Variants in HM13 observed in about 807,000 individuals in gnomAD.
HM13 encodes the protein signal peptide peptidase.
Under a neutral mutation model 50.0 loss-of-function variants are expected in HM13, and 18 were observed. The observed-to-expected ratio is 0.36, with a 90% CI of 0.25 to 0.53. The LOEUF is 0.53. Ranked by LOEUF, HM13 falls within the 20% of genes least tolerant of loss-of-function variation. The probability of loss-of-function intolerance (pLI) is 0.90; values close to 1 mark genes in which losing one functional copy is unlikely to be tolerated. For missense variants in HM13, 393 were observed against 552.4 expected (o/e 0.71, Z 2.89); for synonymous variants, 197 against 232.6 (o/e 0.85, Z 1.39).
chr20:31,558,004 G>A (rs891999843), intron 8 of HM13, among the ~76,000 whole-genome samples: 11 of 152,082 alleles, frequency 7.2e-5, no homozygotes, highest in African/African-American at 9.6e-5. Flanking sequence ...CACCGCACCC[G>A]GCCAGGCAGT....
intron 1 of HM13, among the ~76,000 whole-genome samples, chr20:31,527,144 C>G (rs955851831): frequency 6.6e-6 from 1 of 152,180 alleles, no homozygotes; most frequent in African/African-American, 2.4e-5. Flanking sequence ...TCGAGACCAG[C>G]CTAGCCAACA....
At position 31,543,530 on chromosome 20, in the gene HM13, C is replaced by A. The variant is rs182479729; in HGVS notation, c.366-1417C>A. Among the ~76,000 whole-genome samples, 198 of 152,034 alleles carry A rather than the reference C, an allele frequency of 1.3e-3. 6 individuals are homozygous for A. In the East Asian group the frequency reaches 0.036, roughly 28 times the overall value. The stretch of plus-strand genomic sequence containing the variant: ...TCTCGAACTCCTGACCTCAAGTGAT[C>A]CGCCACCTCAGCCTCCCAAATGTTG... On this transcript the variant is annotated intron_variant, in intron 3 of 12. Transcript: ENST00000398174.
At chr20:31,519,688 A>C (rs867104173) in intron 1 of HM13, among the ~76,000 whole-genome samples, 3 of 152,120 alleles carry the variant, frequency 2.0e-5, no homozygotes, top group Admixed American at 6.6e-5. Context: ...CTCAAATTTG[A>C]GAATTTGAGT....
At chr20:31,554,169 G>A (rs528751455) in intron 7 of HM13, among the ~76,000 whole-genome samples, 1 of 152,054 alleles carries the variant, frequency 6.6e-6, no homozygotes, top group Non-Finnish European at 1.5e-5. Flanking sequence ...AGAAACAAAT[G>A]TGTGAGTTTC....
At chr20:31,524,639 C>T (rs1016845251) in intron 1 of HM13, among the ~76,000 whole-genome samples, 1 of 151,286 alleles carries the variant, frequency 6.6e-6, no homozygotes, top group African/African-American at 2.4e-5. Context: ...TTAGTTTGAG[C>T]TCTTATTAAG....
intron 12 of HM13, 49 bp from the exon 13 acceptor site, chr20:31,569,071 C>A: frequency 7.5e-7 from 1 of 1,340,082 alleles, no homozygotes; most frequent in Non-Finnish European, 1.0e-6. Context: ...GTTCTGCTCA[C>A]CCTCTCCTCT....
chr20:31,523,584 A>G (rs1424824435), intron 1 of HM13, among the ~76,000 whole-genome samples: 2 of 152,168 alleles, frequency 1.3e-5, no homozygotes, highest in East Asian at 3.9e-4. Flanking sequence ...GCATTCCATA[A>G]AATAGAATAC....
rs116181168 is a variant in HM13, at chr20:31,567,944, A to G, written c.1035-134A>G. ...CCAAATAATATCAGCTTCTTTCCAT[A>G]AAATCTGGAAGTGCAAAAATAGGTA... On this transcript the variant is annotated intron_variant, in intron 11 of 12. Coordinates refer to ENST00000398174, the MANE Select transcript of HM13 (RefSeq NM_178581.3). The G allele has an allele frequency of 9.2e-4, 700 of 760,480 alleles. 1 individual carries two copies. In the African/African-American group the frequency reaches 0.011, roughly 12 times the overall value. The allele number at this position is 760,480 out of a possible 1,614,324, so 47.1% of individuals were successfully genotyped here. A position where few individuals can be genotyped will look rare whatever the true frequency, so the allele number is the denominator to read the frequency against.
chr20:31,566,917 G>C (rs1414445552), intron 11 of HM13, among the ~76,000 whole-genome samples: 1 of 152,084 alleles, frequency 6.6e-6, no homozygotes, highest in African/African-American at 2.4e-5. Context: ...CAGCACTGCC[G>C]ACCCTGCCTG....
rs73233687 is a variant in HM13, at chr20:31,562,890, C to G, written c.948+1154C>G. Among the ~76,000 whole-genome samples the G allele has an allele frequency of 9.3e-3, 1,418 of 152,312 alleles. 18 individuals carry two copies. Among genetic ancestry groups the G allele is most frequent in the African/African-American group, 0.032 (1,347 of 41,550 alleles). ...AGTAACATGCGTATGGCAAGGGTCA[C>G]AGAGAGTGACTGGACCTGGTTTGGA... On this transcript the variant is annotated intron_variant, in intron 10 of 12. Coordinates refer to ENST00000398174, the MANE Select transcript of HM13 (RefSeq NM_178581.3).
In HM13 at chr20:31,527,528, C is replaced by T; in HGVS notation, c.228C>T (p.Ala76=). ...AAACAATCACCAGCCGGGATGCCGC[C>T]CGCTTCCCCATCATCGCCAGCTGCA... is the stretch of plus-strand genomic sequence containing the variant. ...MPETITSRDA[A]RFPIIASCTL... The change falls in exon 2 of 13, where the codon GCC becomes GCT. Residue 76 remains alanine (A), a synonymous_variant. Transcript: ENST00000398174. The T allele has an allele frequency of 6.2e-7, 1 of 1,614,112 alleles. No homozygotes were observed. Among genetic ancestry groups the T allele is most frequent in the Non-Finnish European group, 8.5e-7 (1 of 1,180,008 alleles).
At chr20:31,531,832 A>T (rs1279353316) in intron 2 of HM13, among the ~76,000 whole-genome samples, 3 of 152,150 alleles carry the variant, frequency 2.0e-5, no homozygotes, top group Admixed American at 2.0e-4. Context: ...ATGGTGGTGC[A>T]GGCTTATATT....
intron 2 of HM13, among the ~76,000 whole-genome samples, chr20:31,528,598 C>CTAG (rs1435235573): frequency 4.6e-5 from 7 of 152,240 alleles, no homozygotes; most frequent in African/African-American, 1.7e-4. Context: ...CCTGCCTCAG[C>CTAG]CAGCTGAGTA....
intron 2 of HM13, among the ~76,000 whole-genome samples, chr20:31,533,714 C>T (rs1008635201): frequency 2.5e-4 from 38 of 152,288 alleles, no homozygotes; most frequent in African/African-American, 8.9e-4. Flanking sequence ...TCACCCTGAG[C>T]CCCAAAGAAG....
rs766318045 is a variant in HM13 at position 31,514,584 on chromosome 20, C to T, written c.33C>T (p.Gly11=). 87 of 1,605,644 alleles carry T rather than the reference C, an allele frequency of 5.4e-5. 1 individual carries two copies. The South Asian group carries it at 8.8e-4, about 16-fold the overall frequency. The change falls in exon 1 of 13, where the codon GGC becomes GGT. Residue 11 remains glycine (G), a synonymous_variant. Coordinates refer to ENST00000398174, the MANE Select transcript of HM13 (RefSeq NM_178581.3). The surrounding 1 kb of genome is among the most constrained non-coding windows in gnomAD (Gnocchi z 4.3). The part of the protein sequence containing the change: MDSALSDPHN[G]SAEAGGPTNS... ...CGGCCCTCAGCGATCCGCATAACGG[C>T]AGTGCCGAGGCAGGCGGCCCCACCA...
chr20:31,514,856 ACCGTTCC>A lies in HM13; in HGVS notation c.183+124_183+130del. On this transcript the variant is annotated intron_variant, in intron 1 of 12. Coordinates refer to ENST00000398174, the MANE Select transcript of HM13 (RefSeq NM_178581.3). The surrounding 1 kb of genome is among the most constrained non-coding windows in gnomAD (Gnocchi z 4.3). ...CTGACTCTTCCCAGCCCTGATCACC[ACCGTTCC>A]CTCTGTCTCGGGCCCACATTCCGGG... 1 of 990,090 alleles carries A rather than the reference ACCGTTCC, an allele frequency of 1.0e-6. No individual in the cohort carries two copies. Among genetic ancestry groups the A allele is most frequent in the Non-Finnish European group, 1.4e-6 (1 of 709,134 alleles). The allele number at this position is 990,090 out of a possible 1,614,324, so 61.3% of individuals were successfully genotyped here.
chr20:31,539,793 CAA>C (rs559799681), intron 3 of HM13: 21 of 95,712 alleles, frequency 2.2e-4, no homozygotes, highest in Non-Finnish European at 2.4e-4. Context: ...GACTCCATCT[CAA>C]AAAAAAAAAA....
At chr20:31,524,072 T>C (rs1982339483) in intron 1 of HM13, among the ~76,000 whole-genome samples, 1 of 152,020 alleles carries the variant, frequency 6.6e-6, no homozygotes, top group Non-Finnish European at 1.5e-5. Context: ...CCATATCTTA[T>C]TTGCTTTAAG....
intron 1 of HM13, among the ~76,000 whole-genome samples, chr20:31,521,815 T>C (rs1356644699): frequency 1.3e-5 from 2 of 151,668 alleles, no homozygotes; most frequent in Non-Finnish European, 1.5e-5. Context: ...AGTAATGTTA[T>C]TGTTATTACT....
Sources: allele counts gnomAD v4.1 joint callset (sites outside exome capture counted in the v4.1 genomes callset), GRCh38; gene constraint gnomAD v4.1.1; non-coding constraint Gnocchi (gnomAD v3.1); transcripts MANE v1.5; gene names NCBI Gene and HGNC (gene_info 2026-07-23, HGNC 2026-07-21).